The following OSBPL3 variants were observed in gnomAD, a reference collection of about 807,000 sequenced individuals.
OSBPL3 encodes oxysterol-binding protein-related protein 3.
A neutral mutation model predicts 120.1 loss-of-function variants in OSBPL3; 65 were observed. The ratio of observed to expected loss-of-function variants is 0.54; its 90% CI spans 0.44 to 0.67. OSBPL3 has a LOEUF of 0.67. OSBPL3 is among the 30% of genes least tolerant of loss of function. The probability of loss-of-function intolerance (pLI) is 0.00; values close to 1 mark genes in which losing one functional copy is unlikely to be tolerated. For missense variants in OSBPL3, 1,004 were observed against 1,082.1 expected (o/e 0.93, Z 1.01); for synonymous variants, 416 against 402.6 (o/e 1.03, Z -0.40).
intron 1 of OSBPL3, among the ~76,000 whole-genome samples, chr7:24,945,167 G>C (rs1397447905): frequency 6.6e-6 from 1 of 152,104 alleles, no homozygotes; most frequent in Non-Finnish European, 1.5e-5. Flanking sequence ...TTCAAATCTA[G>C]TACCATTTCT....
At chr7:24,963,027 A>G (rs1679192236) in intron 1 of OSBPL3, among the ~76,000 whole-genome samples, 1 of 152,226 alleles carries the variant, frequency 6.6e-6, no homozygotes, top group East Asian at 1.9e-4. Flanking sequence ...TATTCCCTGC[A>G]TCTTCAGAAC....
At chr7:24,838,105 C>T (rs1287570564) in intron 14 of OSBPL3, among the ~76,000 whole-genome samples, 1 of 152,140 alleles carries the variant, frequency 6.6e-6, no homozygotes, top group Non-Finnish European at 1.5e-5. Context: ...TCTCCCCCAA[C>T]CCCTGGGAAT....
At chr7:24,868,146 G>T (rs1389440027) in intron 5 of OSBPL3, among the ~76,000 whole-genome samples, 1 of 151,904 alleles carries the variant, frequency 6.6e-6, no homozygotes, top group East Asian at 1.9e-4. Flanking sequence ...GTGAAACCCT[G>T]TCTCTACTAA....
At chr7:24,903,415 T>C (rs186073333) in intron 1 of OSBPL3, among the ~76,000 whole-genome samples, 4 of 152,340 alleles carry the variant, frequency 2.6e-5, no homozygotes, top group African/African-American at 4.8e-5. Flanking sequence ...AGTTCACCGA[T>C]AGACAATTCA....
In OSBPL3 at chr7:24,873,114, C is replaced by T. The variant is rs1043380409; in HGVS notation, c.97-1045G>A. Among the ~76,000 whole-genome samples the T allele has an allele frequency of 2.0e-5, 3 of 152,210 alleles. No homozygotes were observed. Among genetic ancestry groups the T allele is most frequent in the Non-Finnish European group, 4.4e-5 (3 of 68,046 alleles). On this transcript the variant is annotated intron_variant, in intron 2 of 22. Transcript: ENST00000313367. The surrounding 1 kb of genome is among the most constrained non-coding windows in gnomAD (Gnocchi z 4.1). The stretch of plus-strand genomic sequence containing the variant: ...AGAGTAAGTTTTGACAAGCATGACA[C>T]TTCAGCCAAGATTTCACCTGGACTA...
At position 24,928,815 on chromosome 7, in the gene OSBPL3, G is replaced by A. The variant is rs1288869941; in HGVS notation, c.-149-36194C>T. On this transcript the variant is annotated intron_variant, in intron 1 of 22. Transcript: ENST00000313367. The stretch of plus-strand genomic sequence containing the variant: ...CTTCACCTCAATATGATGTTTCTGA[G>A]TTTCAGCCATGTTGTTGCTAATATC... 2.6e-5 allele frequency among the ~76,000 whole-genome samples: 4 copies of A among 152,108 alleles called. No individual in the cohort carries two copies. In the South Asian group the frequency reaches 8.3e-4, roughly 32 times the overall value.
chr7:24,842,373 A>C lies in OSBPL3; in HGVS notation c.1307T>G (p.Leu436Arg). 2 of 1,612,416 alleles carry C rather than the reference A, an allele frequency of 1.2e-6. No homozygotes were observed. Among genetic ancestry groups the C allele is most frequent in the Non-Finnish European group, 1.7e-6 (2 of 1,179,108 alleles). Residue 436 changes from leucine to arginine, a missense_variant, in exon 13 of 23, where the codon CTT (leucine) becomes CGT (arginine). Around this residue, in one of 4 missense-constraint regions of OSBPL3, gnomAD observed 473 missense variants for 568.0 expected, o/e 0.83. Coordinates refer to ENST00000313367, the MANE Select transcript of OSBPL3 (RefSeq NM_015550.4). ...GATGGAGAGTCTACTTTCATTAGAA[A>C]GCTGATGAACTAGAGCTCGGTTTTC... ...RDENRALVHQLSNESRLSITD... is the reference protein window; with the variant it reads ...RDENRALVHQRSNESRLSITD...
rs1450636390 is a variant in OSBPL3 at position 24,892,432 on chromosome 7, A to T, written c.41T>A (p.Leu14Ter). The T allele has an allele frequency of 6.2e-7, 1 of 1,613,820 alleles. No individual in the cohort carries two copies. Among genetic ancestry groups the T allele is most frequent in the Non-Finnish European group, 8.5e-7 (1 of 1,179,758 alleles). The change falls in exon 2 of 23, where the codon TTG becomes TAG. Residue 14 changes from leucine to a stop codon, truncating the protein, a stop_gained. Coordinates refer to ENST00000313367, the MANE Select transcript of OSBPL3 (RefSeq NM_015550.4). LOFTEE classifies it high-confidence loss of function. ...ACTTGTGCTCCTTGAAGGTGATACCAATTTTTGGGACACACCAAGGTTCTT... is the reference window on the plus strand; with the variant it reads ...ACTTGTGCTCCTTGAAGGTGATACCTATTTTTGGGACACACCAAGGTTCTT... ...DEKNLGVSQK[L>*]VSPSRSTSSC...
rs1443970383 is a variant in OSBPL3, at chr7:24,937,441, T to C, written c.-150+42445A>G. 6.6e-6 allele frequency among the ~76,000 whole-genome samples: 1 copy of C among 152,232 alleles called. No homozygotes were observed. The highest frequency in any genetic ancestry group is 2.4e-5 in the African/African-American group (1 of 41,470). ...CCAATTTGACTTTTATGTTCAACAT[T>C]ATTCTTGAGGTTTACCCATAAGGAT... On this transcript the variant is annotated intron_variant, in intron 1 of 22. Coordinates refer to ENST00000313367, the MANE Select transcript of OSBPL3 (RefSeq NM_015550.4). The surrounding 1 kb of genome is among the most constrained non-coding windows in gnomAD (Gnocchi z 4.0).
chr7:24,909,897 C>T (rs1438094311), intron 1 of OSBPL3, among the ~76,000 whole-genome samples: 2 of 149,726 alleles, frequency 1.3e-5, no homozygotes, highest in African/African-American at 2.5e-5. Flanking sequence ...CTCTGCCTCC[C>T]AGGTTCAAGC....
intron 1 of OSBPL3, among the ~76,000 whole-genome samples, chr7:24,960,885 C>G (rs571037852): frequency 6.6e-6 from 1 of 152,298 alleles, no homozygotes; most frequent in South Asian, 2.1e-4. Flanking sequence ...AGGATGCTAT[C>G]AAGGTTTTAA....
Position 24,803,661 on chromosome 7 carries a change from C to A in OSBPL3, c.2567+654G>T, listed in dbSNP as rs541150674. Among the ~76,000 whole-genome samples, 286 of 152,076 alleles carry A rather than the reference C, an allele frequency of 1.9e-3. No individual in the cohort carries two copies. The highest frequency in any genetic ancestry group is 6.7e-3 in the African/African-American group (278 of 41,468). ...TGGCACGCGCCTGTAGTCCCAGCTA[C>A]TTAGGAGGCTGAGGCAGGAGAATCG... On this transcript the variant is annotated intron_variant, in intron 22 of 22. Coordinates refer to ENST00000313367, the MANE Select transcript of OSBPL3 (RefSeq NM_015550.4). The surrounding 1 kb of genome is among the most constrained non-coding windows in gnomAD (Gnocchi z 4.2).
At position 24,834,296 on chromosome 7, in the gene OSBPL3, C is replaced by T; in HGVS notation, c.1746+190G>A. The T allele has an allele frequency of 7.0e-7, 1 of 1,430,412 alleles. No individual in the cohort carries two copies. Among genetic ancestry groups the T allele is most frequent in the South Asian group, 1.6e-5 (1 of 61,942 alleles). 88.6% of individuals were successfully genotyped at this position (1,430,412 alleles called of 1,614,324 possible). A position where few individuals can be genotyped will look rare whatever the true frequency, so the allele number is the denominator to read the frequency against. ...CGGAGAAGCACCCCAACCCCGTCTCCAAATCCTCACAAGGTGACTGGAAAC... is the reference window on the plus strand; with the variant it reads ...CGGAGAAGCACCCCAACCCCGTCTCTAAATCCTCACAAGGTGACTGGAAAC... On this transcript the variant is annotated intron_variant, in intron 15 of 22. Transcript: ENST00000313367. This position sits in a 1 kb window ranked among gnomAD's most constrained non-coding sequence, Gnocchi z 5.2.
chr7:24,970,688 T>C (rs900993288), intron 1 of OSBPL3, among the ~76,000 whole-genome samples: 1 of 152,216 alleles, frequency 6.6e-6, no homozygotes, highest in Non-Finnish European at 1.5e-5. Context: ...TAATTAACAT[T>C]TGCCTGCTCC....
chr7:24,930,493 G>A lies in OSBPL3; in HGVS notation c.-149-37872C>T, dbSNP rs1811654925. The stretch of plus-strand genomic sequence containing the variant: ...ATTGCTGACAGCAAAAAAGACACAG[G>A]TTTCAGTGGGAGGTCTATTTCAATA... On this transcript the variant is annotated intron_variant, in intron 1 of 22. Coordinates refer to ENST00000313367, the MANE Select transcript of OSBPL3 (RefSeq NM_015550.4). This position sits in a 1 kb window ranked among gnomAD's most constrained non-coding sequence, Gnocchi z 4.4. Among the ~76,000 whole-genome samples, 2 of 152,098 alleles carry A rather than the reference G, an allele frequency of 1.3e-5. No individual in the cohort carries two copies. Among genetic ancestry groups the A allele is most frequent in the South Asian group, 4.1e-4 (2 of 4,824 alleles).
At chr7:24,810,835 G>T (rs1439949874) in intron 19 of OSBPL3, among the ~76,000 whole-genome samples, 2 of 152,190 alleles carry the variant, frequency 1.3e-5, no homozygotes, top group Admixed American at 6.5e-5. Context: ...GTTCATCTAT[G>T]TTGTCACAAA....
At chr7:24,878,782 A>C (rs1219263830) in intron 2 of OSBPL3, among the ~76,000 whole-genome samples, 11 of 152,208 alleles carry the variant, frequency 7.2e-5, no homozygotes, top group Non-Finnish European at 1.5e-4. Context: ...GTGCTTCTCA[A>C]ACTGTAATTT....
intron 1 of OSBPL3, among the ~76,000 whole-genome samples, chr7:24,969,081 C>T (rs1248675388): frequency 6.6e-6 from 1 of 152,176 alleles, no homozygotes; most frequent in South Asian, 2.1e-4. Context: ...GCCAATGGCT[C>T]GCTACAGTTT....
chr7:24,832,277 C>T (rs534062655), intron 15 of OSBPL3, among the ~76,000 whole-genome samples: 3 of 150,376 alleles, frequency 2.0e-5, no homozygotes, highest in South Asian at 2.1e-4. Context: ...TTTGGGAGGC[C>T]GAGGTGGGCA....
Sources: gnomAD v4.1 joint callset for allele counts (sites outside exome capture counted in the v4.1 genomes callset) on GRCh38, gnomAD v4.1.1 for gene constraint, gnomAD v4.1.1 regional missense constraint, Gnocchi (gnomAD v3.1) non-coding constraint, MANE v1.5 for transcripts, NCBI Gene and HGNC (gene_info 2026-07-23, HGNC 2026-07-21) for gene names.